CSMD3: variants seen among roughly 807,000 people sequenced by gnomAD.
CSMD3 encodes CUB and sushi domain-containing protein 3.
A neutral mutation model predicts 435.2 loss-of-function variants in CSMD3; 177 were observed. That is an observed-to-expected ratio of 0.41 (90% CI 0.36 to 0.46). The LOEUF (loss-of-function observed/expected upper bound fraction) is 0.46, where lower values mean the gene tolerates loss of function less well. Among genes scored for constraint, CSMD3 ranks in the 20% least tolerant of loss-of-function variants. CSMD3 has a pLI of 0.34. For missense variants in CSMD3, 4,265 were observed against 4,504.6 expected, an observed-to-expected ratio of 0.95 and a Z score of 1.52; for synonymous variants, 1,656 against 1,520.5, an observed-to-expected ratio of 1.09 and a Z score of -2.07.
intron 4 of CSMD3, among the ~76,000 whole-genome samples, chr8:113,117,896 C>T (rs1049309162): frequency 3.9e-5 from 6 of 152,194 alleles, no homozygotes; most frequent in East Asian, 3.9e-4. Flanking sequence ...CGTATTTGCC[C>T]AATGCCTATA....
intron 3 of CSMD3, among the ~76,000 whole-genome samples, chr8:113,278,039 A>G (rs1263090723): frequency 6.6e-6 from 1 of 151,978 alleles, no homozygotes; most frequent in Non-Finnish European, 1.5e-5. Context: ...ATTTGGCATC[A>G]GGTTTTGATG....
intron 1 of CSMD3, among the ~76,000 whole-genome samples, chr8:113,376,129 A>T (rs2094381111): frequency 6.6e-6 from 1 of 152,160 alleles, no homozygotes; most frequent in East Asian, 1.9e-4. Flanking sequence ...GAATCTGGAC[A>T]TTTATAAATT....
At position 112,506,807 on chromosome 8, in the gene CSMD3, T is replaced by C. The variant is rs1020173740; in HGVS notation, c.4779A>G (p.Thr1593=). 5 of 1,613,290 alleles carry C rather than the reference T, an allele frequency of 3.1e-6. No homozygotes were observed. Among genetic ancestry groups the C allele is most frequent in the Non-Finnish European group, 3.4e-6 (4 of 1,179,476 alleles). The part of the protein sequence containing the change: ...VCIAPCGGNL[T]GSSGFILSPN... ...GTGAAAGAATAAAGCCTGAAGATCC[T>C]GTTAAATTGCCTCCACAGGGTGCTT... Residue 1593 remains threonine, a synonymous_variant, in exon 29 of 71, where the codon ACA becomes ACG. Transcript: ENST00000297405.
At chr8:113,191,135 C>G (rs1054863591) in intron 3 of CSMD3, among the ~76,000 whole-genome samples, 2 of 151,706 alleles carry the variant, frequency 1.3e-5, no homozygotes, top group Non-Finnish European at 2.9e-5. Flanking sequence ...CAGAGAAACA[C>G]CAGGAACTTC....
At chr8:112,385,344 C>G (rs976164010) in intron 36 of CSMD3, among the ~76,000 whole-genome samples, 7 of 151,854 alleles carry the variant, frequency 4.6e-5, no homozygotes, top group African/African-American at 1.7e-4. Context: ...TATAAGGCAC[C>G]CTGCATGTAG....
intron 13 of CSMD3, among the ~76,000 whole-genome samples, chr8:112,728,964 T>C (rs1484506181): frequency 6.6e-6 from 1 of 152,002 alleles, no homozygotes; most frequent in Admixed American, 6.6e-5. Flanking sequence ...TATATACACA[T>C]ACATATACAA....
intron 8 of CSMD3, 130 bp downstream of exon 8, chr8:112,954,554 T>C (rs775175922): frequency 1.5e-6 from 1 of 666,748 alleles, no homozygotes; most frequent in Non-Finnish European, 2.7e-6. Flanking sequence ...TCATCATGCA[T>C]GTTACACAGA....
chr8:113,415,005 C>T (rs1308098755), intron 1 of CSMD3, among the ~76,000 whole-genome samples: 3 of 151,842 alleles, frequency 2.0e-5, no homozygotes, highest in Non-Finnish European at 4.4e-5. Flanking sequence ...CAACAAAATC[C>T]TACTGATTAC....
At chr8:112,543,046 G>A (rs992466878) in intron 27 of CSMD3, among the ~76,000 whole-genome samples, 3 of 151,922 alleles carry the variant, frequency 2.0e-5, no homozygotes, top group Non-Finnish European at 4.4e-5. Flanking sequence ...TGGATATCCA[G>A]AAGCAAAAAA....
intron 2 of CSMD3, 121 bp from the exon 3 acceptor site, chr8:113,278,825 G>A: frequency 3.1e-6 from 2 of 637,224 alleles, no homozygotes; most frequent in Non-Finnish European, 2.9e-6. Context: ...ATTTCCAGAA[G>A]GAATGCTATC....
At chr8:112,951,937 C>T (rs1317764024) in intron 8 of CSMD3, among the ~76,000 whole-genome samples, 1 of 151,388 alleles carries the variant, frequency 6.6e-6, no homozygotes, top group East Asian at 1.9e-4. Context: ...TCATTTATGG[C>T]AGGCTCACAG....
chr8:113,323,517 ACCCTAGCAGATATTTTG>A (rs1329289012), intron 1 of CSMD3, among the ~76,000 whole-genome samples: 1 of 152,158 alleles, frequency 6.6e-6, no homozygotes, highest in African/African-American at 2.4e-5. Flanking sequence ...TAACTGAAGG[ACCCTAGCAGATATTTTG>A]CCCTATAAGA....
intron 1 of CSMD3, among the ~76,000 whole-genome samples, chr8:113,338,468 A>G (rs2094093777): frequency 6.6e-6 from 1 of 151,984 alleles, no homozygotes; most frequent in African/African-American, 2.4e-5. Context: ...AGGAGCCAAA[A>G]TAAGTTGAAT....
intron 35 of CSMD3, among the ~76,000 whole-genome samples, chr8:112,405,196 A>AC (rs1831675310): frequency 2.7e-5 from 1 of 36,898 alleles, no homozygotes; most frequent in Non-Finnish European, 5.1e-5. Flanking sequence ...AAAAAAAAAA[A>AC]AAAAAAAAAA....
At chr8:112,941,863 C>T (rs2083461359) in intron 9 of CSMD3, among the ~76,000 whole-genome samples, 1 of 151,568 alleles carries the variant, frequency 6.6e-6, no homozygotes. Context: ...CTACCCCTCT[C>T]TCCCCATCAT....
intron 1 of CSMD3, among the ~76,000 whole-genome samples, chr8:113,423,842 T>G (rs1047427653): frequency 6.6e-6 from 1 of 151,858 alleles, no homozygotes; most frequent in African/African-American, 2.4e-5. Context: ...CCATTTTTTC[T>G]CCAGCTTCAA....
At chr8:112,359,141 C>A (rs1481884366) in intron 38 of CSMD3, among the ~76,000 whole-genome samples, 3 of 152,096 alleles carry the variant, frequency 2.0e-5, no homozygotes, top group Admixed American at 6.6e-5. Context: ...TCAGGCTAAT[C>A]TAATGCATAT....
At chr8:113,347,439 G>T (rs1035788561) in intron 1 of CSMD3, among the ~76,000 whole-genome samples, 2 of 152,026 alleles carry the variant, frequency 1.3e-5, no homozygotes, top group Admixed American at 1.3e-4. Flanking sequence ...AAAATCAGGC[G>T]GTTTTGTAAT....
At chr8:112,937,659 G>A (rs1331342955) in intron 9 of CSMD3, among the ~76,000 whole-genome samples, 9 of 152,040 alleles carry the variant, frequency 5.9e-5, no homozygotes, top group Non-Finnish European at 4.4e-5. Context: ...CAGGTAATAT[G>A]TCTTTTAAGG....
Sources: gnomAD v4.1 joint callset for allele counts (sites outside exome capture counted in the v4.1 genomes callset) on GRCh38, gnomAD v4.1.1 for gene constraint, MANE v1.5 for transcripts, NCBI Gene and HGNC (gene_info 2026-07-23, HGNC 2026-07-21) for gene names.